FHIT: variants seen among roughly 807,000 people sequenced by gnomAD.
FHIT encodes the protein fragile histidine triad diadenosine triphosphatase, also known as bis(5'-adenosyl)-triphosphatase.
A neutral mutation model predicts 17.9 loss-of-function variants in FHIT; 19 were observed. The ratio of observed to expected loss-of-function variants is 1.06; its 90% CI spans 0.74 to 1.56. The LOEUF is 1.56. FHIT is among the 40% of genes most tolerant of loss of function. The pLI is 0.00. For missense variants in FHIT, 248 were observed against 189.2 expected (o/e 1.31, Z -1.82); for synonymous variants, 81 against 69.7 (o/e 1.16, Z -0.81).
At chr3:60,628,512 G>C (rs1277666794) in intron 4 of FHIT, among the ~76,000 whole-genome samples, 1 of 152,082 alleles carries the variant, frequency 6.6e-6, no homozygotes, top group Non-Finnish European at 1.5e-5. Flanking sequence ...CTATTGTTTT[G>C]AAAAATACCC....
rs546706674 is a variant in FHIT, at chr3:61,212,519, C to G, written c.-212-11854G>C. Reference sequence around the variant, plus strand: ...GGACTATGTGAAAACACCAAATCTACGTCTGATTGGTGTACCTGAAAGTGA... The same window carrying G: ...GGACTATGTGAAAACACCAAATCTAGGTCTGATTGGTGTACCTGAAAGTGA... On this transcript the variant is annotated intron_variant, in intron 1 of 9. Coordinates refer to ENST00000492590, the MANE Select transcript of FHIT (RefSeq NM_002012.4). Among the ~76,000 whole-genome samples, 7 of 152,184 alleles carry G rather than the reference C, an allele frequency of 4.6e-5. No individual in the cohort carries two copies. In the South Asian group the frequency reaches 1.2e-3, roughly 27 times the overall value.
At chr3:59,776,517 A>G (rs569570477) in intron 8 of FHIT, among the ~76,000 whole-genome samples, 1 of 152,306 alleles carries the variant, frequency 6.6e-6, no homozygotes, top group South Asian at 2.1e-4. Context: ...GAGAACAGTG[A>G]GACAGTGATG....
At chr3:60,793,388 C>T (rs1700856606) in intron 4 of FHIT, among the ~76,000 whole-genome samples, 1 of 151,958 alleles carries the variant, frequency 6.6e-6, no homozygotes, top group African/African-American at 2.4e-5. Flanking sequence ...CTACAATCTC[C>T]AACCCCTGGG....
chr3:60,951,406 G>A (rs1364607615), intron 3 of FHIT, among the ~76,000 whole-genome samples: 1 of 152,164 alleles, frequency 6.6e-6, no homozygotes, highest in Non-Finnish European at 1.5e-5. Flanking sequence ...GATCTACTAT[G>A]GTGTCAGGTG....
intron 1 of FHIT, among the ~76,000 whole-genome samples, chr3:61,222,469 G>A (rs1449919213): frequency 6.6e-6 from 1 of 152,184 alleles, no homozygotes; most frequent in Non-Finnish European, 1.5e-5. Flanking sequence ...CAGCTCTGAG[G>A]TCTGGGCACC....
At chr3:60,998,699 C>G (rs1421766462) in intron 3 of FHIT, among the ~76,000 whole-genome samples, 2 of 152,036 alleles carry the variant, frequency 1.3e-5, no homozygotes, top group African/African-American at 4.8e-5. Context: ...ACAAACTCTC[C>G]ATAGGAATAG....
intron 4 of FHIT, among the ~76,000 whole-genome samples, chr3:60,556,377 C>T (rs6801658): frequency 0.12 from 18,339 of 152,192 alleles, 1,330 homozygotes; most frequent in Middle Eastern, 0.22. Context: ...ATATAGTTAA[C>T]GAGGGAAGAT....
chr3:60,638,781 C>T (rs1287575350), intron 4 of FHIT, among the ~76,000 whole-genome samples: 2 of 151,524 alleles, frequency 1.3e-5, no homozygotes, highest in Non-Finnish European at 2.9e-5. Flanking sequence ...AGAATGACTA[C>T]AAAAATGCAA....
chr3:60,804,224 G>A (rs1293056079), intron 4 of FHIT, among the ~76,000 whole-genome samples: 2 of 152,230 alleles, frequency 1.3e-5, no homozygotes, highest in African/African-American at 4.8e-5. Flanking sequence ...TTGCTGAAAA[G>A]TGATCAAGGG....
At chr3:60,040,077 A>C (rs1354747549) in intron 5 of FHIT, among the ~76,000 whole-genome samples, 1 of 152,184 alleles carries the variant, frequency 6.6e-6, no homozygotes, top group Non-Finnish European at 1.5e-5. Flanking sequence ...GACACCCATA[A>C]ACATGTCCAA....
intron 8 of FHIT, among the ~76,000 whole-genome samples, chr3:59,797,182 T>C (rs1459063501): frequency 6.7e-6 from 1 of 150,202 alleles, no homozygotes; most frequent in Non-Finnish European, 1.5e-5. Context: ...ATTATTTTGA[T>C]ATTACAATTT....
chr3:60,875,270 T>A (rs564817170), intron 3 of FHIT, among the ~76,000 whole-genome samples: 49 of 152,332 alleles, frequency 3.2e-4, no homozygotes, highest in African/African-American at 1.2e-3. Context: ...ACCATGTGTG[T>A]AGATACTGGA....
At chr3:60,121,296 T>C (rs928171576) in intron 5 of FHIT, among the ~76,000 whole-genome samples, 1 of 152,188 alleles carries the variant, frequency 6.6e-6, no homozygotes, top group African/African-American at 2.4e-5. Flanking sequence ...AATATGACTA[T>C]AATAATGTAT....
chr3:61,223,391 A>C (rs1049179654), intron 1 of FHIT, among the ~76,000 whole-genome samples: 2 of 152,132 alleles, frequency 1.3e-5, no homozygotes, highest in Admixed American at 6.5e-5. Context: ...GACCAAATAC[A>C]TACCACCCTC....
At chr3:60,539,566 A>G (rs2036110479) in intron 4 of FHIT, among the ~76,000 whole-genome samples, 1 of 152,222 alleles carries the variant, frequency 6.6e-6, no homozygotes, top group Non-Finnish European at 1.5e-5. Context: ...GTGATAGACT[A>G]GATTAAGGAA....
intron 5 of FHIT, among the ~76,000 whole-genome samples, chr3:60,209,073 T>TAAATACATCATTCAA (rs1703329886): frequency 6.6e-6 from 1 of 152,198 alleles, no homozygotes; most frequent in Non-Finnish European, 1.5e-5. Flanking sequence ...AAGGGTACTC[T>TAAATACATCATTCAA]AAATACATCA....
chr3:60,210,958 TGCA>T (rs1703422985), intron 5 of FHIT, among the ~76,000 whole-genome samples: 1 of 151,262 alleles, frequency 6.6e-6, no homozygotes. Flanking sequence ...AGCAATTCAC[TGCA>T]GCATTATTTA....
At chr3:59,822,642 G>C (rs1700837141) in intron 8 of FHIT, among the ~76,000 whole-genome samples, 1 of 150,078 alleles carries the variant, frequency 6.7e-6, no homozygotes, top group African/African-American at 2.5e-5. Flanking sequence ...CTTTTTGATG[G>C]GATTGTTTGT....
chr3:61,088,026 C>A (rs1409500699), intron 2 of FHIT, among the ~76,000 whole-genome samples: 3 of 152,156 alleles, frequency 2.0e-5, no homozygotes. Context: ...GACTAAAATA[C>A]CATTAATAAC....
Sources: allele counts gnomAD v4.1 joint callset (sites outside exome capture counted in the v4.1 genomes callset), GRCh38; gene constraint gnomAD v4.1.1; transcripts MANE v1.5; gene names NCBI Gene and HGNC (gene_info 2026-07-23, HGNC 2026-07-21).